Variants in EFR3B observed in about 807,000 individuals in gnomAD.
The protein encoded by EFR3B is protein EFR3 homolog B.
EFR3B carries 64 observed loss-of-function variants against 104.7 expected under a neutral mutation model. That is an observed-to-expected ratio of 0.61 (90% CI 0.50 to 0.75). EFR3B has a LOEUF of 0.75. Ranked by LOEUF, EFR3B falls within the 30% of genes least tolerant of loss-of-function variation. EFR3B has a pLI of 0.00. For missense variants in EFR3B, 750 were observed against 1,078.5 expected (o/e 0.70, Z 4.27); for synonymous variants, 385 against 417.9 (o/e 0.92, Z 0.96).
In EFR3B at chr2:25,133,388, A is replaced by C. The variant is rs1450444198; in HGVS notation, c.1265A>C (p.Asn422Thr). ...QAVDTGRTGE[N>T]RNRLTQIMLL... ...TTTGTGTCTCTGGTCTACAGGGAGA[A>C]TAGGAACCGTCTGACCCAGATTATG... Residue 422 changes from asparagine to threonine, a missense_variant, in exon 12 of 23, where the codon AAT (asparagine) becomes ACT (threonine). Coordinates refer to ENST00000403714, the MANE Select transcript of EFR3B (RefSeq NM_014971.2). 7.1e-6 allele frequency: 11 copies of C among 1,552,378 alleles called. No homozygotes were observed. Among genetic ancestry groups the C allele is most frequent in the Non-Finnish European group, 7.8e-6 (9 of 1,147,140 alleles).
intron 3 of EFR3B, among the ~76,000 whole-genome samples, chr2:25,096,369 G>A (rs946597712): frequency 6.6e-6 from 1 of 152,098 alleles, no homozygotes; most frequent in Non-Finnish European, 1.5e-5. Flanking sequence ...CCTTTCTCCT[G>A]GTCCAGGGTC....
rs929673679 is a variant in EFR3B at position 25,130,712 on chromosome 2, G to C, written c.849+82G>C. The C allele has an allele frequency of 6.1e-6, 8 of 1,319,904 alleles. No individual in the cohort carries two copies. The highest frequency in any genetic ancestry group is 8.5e-6 in the Non-Finnish European group (8 of 938,372). The allele number at this position is 1,319,904 out of a possible 1,614,324, so 81.8% of individuals were successfully genotyped here. On this transcript the variant is annotated intron_variant, in intron 8 of 22. Transcript: ENST00000403714. The surrounding 1 kb of genome is among the most constrained non-coding windows in gnomAD (Gnocchi z 4.6). ...AGACGGGTGCTAAAATAGAAAGCCA[G>C]AAGTCCCCTGTGACTCCTCCGAAGC...
intron 1 of EFR3B, among the ~76,000 whole-genome samples, chr2:25,043,542 T>G (rs954132334): frequency 4.6e-5 from 7 of 152,180 alleles, no homozygotes; most frequent in Non-Finnish European, 1.0e-4. Flanking sequence ...CCCTGCCCAG[T>G]TGCTCAGAAA....
intron 10 of EFR3B, 115 bp downstream of exon 10, chr2:25,132,026 G>C: frequency 4.9e-6 from 3 of 616,132 alleles, no homozygotes; most frequent in South Asian, 4.2e-5. Flanking sequence ...GCGGGGTGGG[G>C]CCAAGGGGAG....
intron 3 of EFR3B, among the ~76,000 whole-genome samples, chr2:25,093,594 G>C (rs1669195871): frequency 6.6e-6 from 1 of 152,142 alleles, no homozygotes; most frequent in South Asian, 2.1e-4. Flanking sequence ...CCAAAGGCAG[G>C]GTCTAGTGTG....
intron 5 of EFR3B, among the ~76,000 whole-genome samples, chr2:25,127,490 TA>T (rs1429419703): frequency 6.6e-6 from 1 of 152,198 alleles, no homozygotes; most frequent in Non-Finnish European, 1.5e-5. Context: ...GTGGTAGTGG[TA>T]AATCTTCTCT....
chr2:25,077,916 T>C (rs570091405), intron 1 of EFR3B, among the ~76,000 whole-genome samples: 1 of 152,336 alleles, frequency 6.6e-6, no homozygotes, highest in African/African-American at 2.4e-5. Context: ...GGGTTGTTGA[T>C]TTTTTGTTTC....
chr2:25,103,405 G>A (rs1319556547), intron 3 of EFR3B, among the ~76,000 whole-genome samples: 1 of 152,176 alleles, frequency 6.6e-6, no homozygotes, highest in East Asian at 1.9e-4. Flanking sequence ...TAAAAGGAGG[G>A]GCTGGATGAG....
rs1191530105 is a variant in EFR3B at position 25,131,895 on chromosome 2, C to G, written c.1131C>G (p.Ala377=). The G allele has an allele frequency of 3.3e-6, 5 of 1,523,046 alleles. No homozygotes were observed. Among genetic ancestry groups the G allele is most frequent in the Admixed American group, 4.1e-5 (2 of 48,474 alleles). The allele number at this position is 1,523,046 out of a possible 1,614,324, so 94.3% of individuals were successfully genotyped here. A position where few individuals can be genotyped will look rare whatever the true frequency, so the allele number is the denominator to read the frequency against. The part of the protein sequence containing the change: ...KEHEERMFQE[A]VIKTVGSFAS... ...ACGAGGAGCGCATGTTCCAGGAGGC[C>G]GTCATCAAGACCGTGGGTGCGGCGC... is the stretch of plus-strand genomic sequence containing the variant. Residue 377 remains alanine, a synonymous_variant, in exon 10 of 23, where the codon GCC becomes GCG. Transcript: ENST00000403714. This position sits in a 1 kb window ranked among gnomAD's most constrained non-coding sequence, Gnocchi z 7.6.
At chr2:25,123,080 TGACCAG>T in intron 5 of EFR3B, among the ~76,000 whole-genome samples, 1 of 152,076 alleles carries the variant, frequency 6.6e-6, no homozygotes, top group Non-Finnish European at 1.5e-5. Context: ...ACAGAGAAAT[TGACCAG>T]GTGCAGTGGC....
rs545824878 is a variant in EFR3B at position 25,103,800 on chromosome 2, C to T, written c.363+13C>T. On this transcript the variant is annotated intron_variant, in intron 4 of 22. Transcript: ENST00000403714. The stretch of plus-strand genomic sequence containing the variant: ...CGGCACCAACTCGGTAAGGAGCGGC[C>T]CAGGGGGCTCCAGGTCTCCCAGCCG... The T allele has an allele frequency of 5.9e-5, 91 of 1,550,758 alleles. No homozygotes were observed. Among genetic ancestry groups the T allele is most frequent in the Non-Finnish European group, 5.5e-5 (63 of 1,146,492 alleles).
rs1671130873 is a variant in EFR3B, at chr2:25,155,314, C to T, written c.*974C>T. 1 of 152,096 alleles carries T rather than the reference C, an allele frequency of 6.6e-6. No individual in the cohort carries two copies. Among genetic ancestry groups the T allele is most frequent in the South Asian group, 2.1e-4 (1 of 4,820 alleles). 9.4% of individuals were successfully genotyped at this position (152,096 alleles called of 1,614,324 possible). A position where few individuals can be genotyped will look rare whatever the true frequency, so the allele number is the denominator to read the frequency against. ...GTGGGATGAGTGGTGTTTTGGGGCTCAAGGATATCAGAAGCCAACTTTTTG... is the reference window on the plus strand; with the variant it reads ...GTGGGATGAGTGGTGTTTTGGGGCTTAAGGATATCAGAAGCCAACTTTTTG... On this transcript the variant is annotated 3_prime_UTR_variant, in exon 23 of 23. Coordinates refer to ENST00000403714, the MANE Select transcript of EFR3B (RefSeq NM_014971.2).
intron 6 of EFR3B, among the ~76,000 whole-genome samples, chr2:25,129,318 ACGGGGGCGGGGGCGGGGG>A (rs1303797884): frequency 6.6e-5 from 3 of 45,310 alleles, no homozygotes; most frequent in East Asian, 2.0e-3. Context: ...ACTCGGGTCG[ACGGGGGCGGGGGCGGGGG>A]CGGGGGCGGG....
intron 5 of EFR3B, among the ~76,000 whole-genome samples, chr2:25,124,333 A>T (rs1046062906): frequency 1.0e-3 from 102 of 98,044 alleles, no homozygotes; most frequent in African/African-American, 2.8e-3. Flanking sequence ...TGTGTGTGTG[A>T]TTCCTCAGGG....
Position 25,137,308 on chromosome 2 carries a change from C to T in EFR3B, c.1561-33C>T, listed in dbSNP as rs980690643. 14 of 1,550,930 alleles carry T rather than the reference C, an allele frequency of 9.0e-6. No homozygotes were observed. Among genetic ancestry groups the T allele is most frequent in the Middle Eastern group, 1.7e-4 (1 of 5,980 alleles). On this transcript the variant is annotated intron_variant, in intron 14 of 22. Coordinates refer to ENST00000403714, the MANE Select transcript of EFR3B (RefSeq NM_014971.2). The surrounding 1 kb of genome is among the most constrained non-coding windows in gnomAD (Gnocchi z 4.7). The stretch of plus-strand genomic sequence containing the variant: ...CTTGCCCCTCCTGTCCCCATCCCTC[C>T]GACCCTGGCCTTCTGCCCGCTCCTG...
chr2:25,042,195 C>A lies in EFR3B; in HGVS notation c.-118C>A. On this transcript the variant is annotated 5_prime_UTR_variant, in exon 1 of 23. Transcript: ENST00000403714. The surrounding 1 kb of genome is among the most constrained non-coding windows in gnomAD (Gnocchi z 5.4). Reference sequence around the variant, plus strand: ...CGCGTCTGCTCCCTCCCCGCCCGGGCCCCTGTCGGCCGCCGCCAGTCCCCG... The same window carrying A: ...CGCGTCTGCTCCCTCCCCGCCCGGGACCCTGTCGGCCGCCGCCAGTCCCCG... 1 of 1,055,406 alleles carries A rather than the reference C, an allele frequency of 9.5e-7. No homozygotes were observed. Among genetic ancestry groups the A allele is most frequent in the Non-Finnish European group, 1.2e-6 (1 of 832,886 alleles). 65.4% of individuals were successfully genotyped at this position (1,055,406 alleles called of 1,614,324 possible). A position where few individuals can be genotyped will look rare whatever the true frequency, so the allele number is the denominator to read the frequency against.
intron 3 of EFR3B, among the ~76,000 whole-genome samples, chr2:25,094,966 T>A (rs1169101806): frequency 6.6e-6 from 1 of 152,034 alleles, no homozygotes. Context: ...ATTTTTTGTA[T>A]TTTTTGTAGA....
chr2:25,060,739 C>T (rs1433595943), intron 1 of EFR3B, among the ~76,000 whole-genome samples: 2 of 151,666 alleles, frequency 1.3e-5, no homozygotes, highest in East Asian at 3.9e-4. Flanking sequence ...GCTAACACAG[C>T]GAAACCCCGT....
At chr2:25,104,247 C>T (rs937843693) in intron 4 of EFR3B, among the ~76,000 whole-genome samples, 5 of 152,002 alleles carry the variant, frequency 3.3e-5, no homozygotes, top group African/African-American at 7.2e-5. Context: ...ACCTGTAATC[C>T]GATCCCAGCT....
Sources: gnomAD v4.1 joint callset for allele counts (sites outside exome capture counted in the v4.1 genomes callset) on GRCh38, gnomAD v4.1.1 for gene constraint, Gnocchi (gnomAD v3.1) non-coding constraint, MANE v1.5 for transcripts, NCBI Gene and HGNC (gene_info 2026-07-23, HGNC 2026-07-21) for gene names.